The following DEPDC4 variants were observed in gnomAD, a reference collection of about 807,000 sequenced individuals.
DEPDC4 encodes DEP domain-containing protein 4.
Under a neutral mutation model 52.0 loss-of-function variants are expected in DEPDC4, and 52 were observed. The ratio of observed to expected loss-of-function variants is 1.00; its 90% CI spans 0.80 to 1.26. DEPDC4 has a LOEUF of 1.26. DEPDC4 is among the 50% of genes most tolerant of loss of function. The pLI is 0.00. For synonymous variants in DEPDC4, 201 were observed against 196.8 expected, an observed-to-expected ratio of 1.02 and a Z score of -0.18; for missense variants, 530 against 546.9, an observed-to-expected ratio of 0.97 and a Z score of 0.31.
intron 5 of DEPDC4, 143 bp from the exon 6 acceptor site, chr12:100,252,679 A>C: frequency 1.4e-6 from 1 of 708,994 alleles, no homozygotes; most frequent in South Asian, 2.7e-5. Flanking sequence ...TTTATTATGG[A>C]ATATTTCAAA....
At chr12:100,248,368 A>G (rs921786632) in intron 8 of DEPDC4, among the ~76,000 whole-genome samples, 5 of 152,188 alleles carry the variant, frequency 3.3e-5, no homozygotes, top group Non-Finnish European at 5.9e-5. Flanking sequence ...TGTTTCCTGC[A>G]TGACAATCTT....
intron 4 of DEPDC4, among the ~76,000 whole-genome samples, chr12:100,254,030 T>C (rs1223035089): frequency 6.6e-6 from 1 of 152,156 alleles, no homozygotes; most frequent in Non-Finnish European, 1.5e-5. Context: ...CTTTTCCTGC[T>C]CTGATGAGTT....
upstream of DEPDC4, among the ~76,000 whole-genome samples, chr12:100,268,647 A>G (rs1387925428): frequency 6.6e-6 from 1 of 152,224 alleles, no homozygotes; most frequent in Non-Finnish European, 1.5e-5. Flanking sequence ...ACCCAGTAAA[A>G]TAAATACAGG....
chr12:100,246,213 G>C (rs1369982713), intron 8 of DEPDC4, among the ~76,000 whole-genome samples: 1 of 150,016 alleles, frequency 6.7e-6, no homozygotes, highest in African/African-American at 2.5e-5. Flanking sequence ...TGCTCACACT[G>C]TTCTAATTCT....
chr12:100,271,997 C>G (rs760113972), upstream of DEPDC4, among the ~76,000 whole-genome samples: 1 of 152,090 alleles, frequency 6.6e-6, no homozygotes, highest in Non-Finnish European at 1.5e-5. Flanking sequence ...TAATACTCAT[C>G]CTACTTTCTG....
At chr12:100,266,676 C>T (rs145441727) in intron 1 of DEPDC4, among the ~76,000 whole-genome samples, 16 of 152,292 alleles carry the variant, frequency 1.1e-4, no homozygotes, top group African/African-American at 3.9e-4. Flanking sequence ...CCTAGGGATT[C>T]GTATGTATAT....
the DEPDC4 span, among the ~76,000 whole-genome samples, chr12:100,280,128 A>G: frequency 2.0e-5 from 3 of 152,134 alleles, no homozygotes; most frequent in Admixed American, 1.3e-4. Flanking sequence ...TGCCTGTTCA[A>G]TGTCTGAAAA....
chr12:100,233,363 C>A (rs972080632), intron 9 of DEPDC4, among the ~76,000 whole-genome samples: 15 of 152,206 alleles, frequency 9.9e-5, no homozygotes, highest in African/African-American at 3.6e-4. Context: ...ACATTCTCGT[C>A]CCTCTTCCAG....
In DEPDC4 at chr12:100,267,025, G is replaced by A. The variant is rs1289057466; in HGVS notation, c.52C>T (p.Pro18Ser). The change falls in exon 1 of 10, where the codon CCG becomes TCG. Residue 18 changes from proline to serine, a missense_variant. By Grantham distance (74) the Pro-to-Ser change is moderately conservative. Coordinates refer to ENST00000550587, the MANE Select transcript of DEPDC4 (RefSeq NM_001364818.2). ...TGACTGACAAGTCTACGGAACCTCG[G>A]AGTCAAAAGAACCGCCATAAGCTCG... The part of the protein sequence containing the change: ...ARELMAVLLT[P>S]RFRRLVSQNE... 3.1e-6 allele frequency: 5 copies of A among 1,613,886 alleles called. No individual in the cohort carries two copies. Among genetic ancestry groups the A allele is most frequent in the Non-Finnish European group, 4.2e-6 (5 of 1,179,948 alleles).
At position 100,267,071 on chromosome 12, in the gene DEPDC4, C is replaced by A. The variant is rs2096277705; in HGVS notation, c.6G>T (p.Val2=). 1 of 1,612,758 alleles carries A rather than the reference C, an allele frequency of 6.2e-7. No homozygotes were observed. The highest frequency in any genetic ancestry group is 8.5e-7 in the Non-Finnish European group (1 of 1,179,414). Residue 2 remains valine (V), a synonymous_variant, in exon 1 of 10, where the codon GTG becomes GTT. Transcript: ENST00000550587. ...GCTCGCGCGCTGGCTCCTCCCCTGGCACCATAGCCCCGCCCCACCTGACAC... is the reference window on the plus strand; with the variant it reads ...GCTCGCGCGCTGGCTCCTCCCCTGGAACCATAGCCCCGCCCCACCTGACAC... M[V]PGEEPARELM...
chr12:100,271,260 CAAAAA>C (rs11354103), upstream of DEPDC4, among the ~76,000 whole-genome samples: 1 of 83,336 alleles, frequency 1.2e-5, no homozygotes, highest in Admixed American at 1.3e-4. Context: ...TGCAGAGCAG[CAAAAA>C]AAAAAAAAAA....
rs569082859 is a variant in DEPDC4 at position 100,260,591 on chromosome 12, T to TA, written c.700+1672dup. On this transcript the variant is annotated intron_variant, in intron 3 of 9. Transcript: ENST00000550587. ...ATATTAGTCTTCATCAGAGTTCTCTTACGGCCAGGCATGGTGGCTCACACC... is the reference window on the plus strand; with the variant it reads ...ATATTAGTCTTCATCAGAGTTCTCTTAACGGCCAGGCATGGTGGCTCACACC... Among the ~76,000 whole-genome samples, 250 of 150,576 alleles carry TA rather than the reference T, an allele frequency of 1.7e-3. 1 individual carries two copies. The highest frequency in any genetic ancestry group is 5.8e-3 in the African/African-American group (237 of 41,060).
At chr12:100,234,354 C>G (rs76327997) in intron 9 of DEPDC4, among the ~76,000 whole-genome samples, 9,639 of 152,140 alleles carry the variant, frequency 0.063, 336 homozygotes, top group Middle Eastern at 0.14. Flanking sequence ...GAAAATTACT[C>G]AGAGAAAAAC....
chr12:100,267,210 G>A (rs1283348507), upstream of DEPDC4: 3 of 954,246 alleles, frequency 3.1e-6, no homozygotes, highest in Non-Finnish European at 4.6e-6. Context: ...CTTCGTCCCC[G>A]GTCCCTCCCC....
intron 3 of DEPDC4, 61 bp downstream of exon 3, chr12:100,262,203 C>T (rs2153923219): frequency 3.3e-6 from 5 of 1,524,884 alleles, no homozygotes; most frequent in Non-Finnish European, 1.8e-6. Context: ...TTATAAGAAC[C>T]TGTTAAAAAG....
the DEPDC4 span, among the ~76,000 whole-genome samples, chr12:100,281,400 A>G: frequency 0.043 from 6,611 of 152,120 alleles, 166 homozygotes; most frequent in South Asian, 0.083. Flanking sequence ...TAAAATACCA[A>G]TTTGGGCTAG....
In DEPDC4 at chr12:100,262,305, T is replaced by A; in HGVS notation, c.659A>T (p.Asn220Ile). ...GAGAAAAGGTTTCTGAACTGTGATATTTGGACATAAAGCTGGATTCCCATT... is the reference window on the plus strand; with the variant it reads ...GAGAAAAGGTTTCTGAACTGTGATAATTGGACATAAAGCTGGATTCCCATT... ...TINGNPALCP[N>I]ITVQKPFLRL... The change falls in exon 3 of 10, where the codon AAT becomes ATT. Residue 220 changes from asparagine (N) to isoleucine (I), a missense_variant. Physicochemically the swap from Asn to Ile is moderately radical, Grantham distance 149 (BLOSUM62 -3). Transcript: ENST00000550587. 2 of 1,612,684 alleles carry A rather than the reference T, an allele frequency of 1.2e-6. No homozygotes were observed. The highest frequency in any genetic ancestry group is 1.7e-6 in the Non-Finnish European group (2 of 1,179,724).
chr12:100,234,811 A>C (rs1018344869), intron 9 of DEPDC4, among the ~76,000 whole-genome samples: 1 of 152,210 alleles, frequency 6.6e-6, no homozygotes, highest in African/African-American at 2.4e-5. Context: ...AGTCCCTCCA[A>C]ACTGTTTAGC....
At chr12:100,236,625 A>G (rs1295746251), downstream of DEPDC4, among the ~76,000 whole-genome samples, 3 of 151,990 alleles carry the variant, frequency 2.0e-5, no homozygotes, top group Non-Finnish European at 2.9e-5. Context: ...CTCCCACTCT[A>G]TGGGTTCTCT....
Sources: gnomAD v4.1 joint callset for allele counts (sites outside exome capture counted in the v4.1 genomes callset) on GRCh38, gnomAD v4.1.1 for gene constraint, MANE v1.5 for transcripts, NCBI Gene and HGNC (gene_info 2026-07-23, HGNC 2026-07-21) for gene names.